NFIB: variants seen among roughly 807,000 people sequenced by gnomAD.
NFIB encodes the protein nuclear factor I B, also known as nuclear factor 1 B-type.
NFIB carries 11 observed loss-of-function variants against 61.5 expected under a neutral mutation model. The ratio of observed to expected loss-of-function variants is 0.18; its 90% CI spans 0.11 to 0.30. NFIB has a LOEUF of 0.30. Among genes scored for constraint, NFIB ranks in the 10% least tolerant of loss-of-function variants. The pLI is 1.00. For missense variants in NFIB, 471 were observed against 608.9 expected (o/e 0.77, Z 2.38); for synonymous variants, 260 against 216.5 (o/e 1.20, Z -1.76).
At chr9:14,468,221 G>A in the NFIB span, among the ~76,000 whole-genome samples, 1 of 152,212 alleles carries the variant, frequency 6.6e-6, no homozygotes, top group Admixed American at 6.5e-5. Flanking sequence ...TATTTAGCAA[G>A]ACTTTAAGAA....
chr9:14,132,383 C>T (rs1033769033), intron 6 of NFIB, among the ~76,000 whole-genome samples: 7 of 152,242 alleles, frequency 4.6e-5, no homozygotes, highest in African/African-American at 1.7e-4. Flanking sequence ...CATTTGCTGG[C>T]TACTTTTATT....
chr9:14,282,244 G>A (rs2058422443), intron 2 of NFIB, among the ~76,000 whole-genome samples: 1 of 152,116 alleles, frequency 6.6e-6, no homozygotes, highest in African/African-American at 2.4e-5. Context: ...GCTACAGACA[G>A]AAATGCTGCA....
chr9:14,447,009 A>C, the NFIB span, among the ~76,000 whole-genome samples: 2 of 152,154 alleles, frequency 1.3e-5, no homozygotes, highest in Non-Finnish European at 2.9e-5. Flanking sequence ...TTTATGCAGA[A>C]CCAACATGCT....
chr9:14,346,295 C>CCCCA (rs1554715700), intron 1 of NFIB, among the ~76,000 whole-genome samples: 1 of 141,360 alleles, frequency 7.1e-6, no homozygotes, highest in South Asian at 2.7e-4. Context: ...CCGACACCCC[C>CCCCA]CCCCCGTAAC....
intron 2 of NFIB, among the ~76,000 whole-genome samples, chr9:14,215,388 A>T (rs886840995): frequency 2.1e-5 from 3 of 142,482 alleles, no homozygotes; most frequent in Admixed American, 1.4e-4. Context: ...CTATGTTAAG[A>T]AGAAACGATT....
chr9:14,237,850 T>A (rs1417297724), intron 2 of NFIB, among the ~76,000 whole-genome samples: 1 of 124,284 alleles, frequency 8.0e-6, no homozygotes, highest in African/African-American at 3.3e-5. Context: ...ACAGTGTGTG[T>A]GTGTGTGTGT....
At chr9:14,449,912 G>T in the NFIB span, among the ~76,000 whole-genome samples, 1 of 151,986 alleles carries the variant, frequency 6.6e-6, no homozygotes, top group East Asian at 1.9e-4. Flanking sequence ...TCCAGCCTGG[G>T]CAGCAGAGCA....
At chr9:14,479,423 G>T in the NFIB span, among the ~76,000 whole-genome samples, 4 of 152,182 alleles carry the variant, frequency 2.6e-5, no homozygotes, top group African/African-American at 4.8e-5. Context: ...ACAGGCTTGG[G>T]TATGGTGGAG....
chr9:14,392,241 T>TA (rs1013493181), intron 1 of NFIB, among the ~76,000 whole-genome samples: 4 of 152,026 alleles, frequency 2.6e-5, no homozygotes, highest in African/African-American at 7.3e-5. Context: ...GGGTATTAGG[T>TA]AAAAAAATGA....
intron 2 of NFIB, among the ~76,000 whole-genome samples, chr9:14,229,116 T>A (rs1454476004): frequency 6.6e-6 from 1 of 151,978 alleles, no homozygotes; most frequent in Non-Finnish European, 1.5e-5. Flanking sequence ...ATCAACTACA[T>A]ACGATTTCAT....
At chr9:14,171,293 C>A (rs563492784) in intron 3 of NFIB, among the ~76,000 whole-genome samples, 12 of 152,172 alleles carry the variant, frequency 7.9e-5, no homozygotes, top group Non-Finnish European at 1.8e-4. Context: ...GCTCTTTCCT[C>A]GGCTAGGACT....
the NFIB span, among the ~76,000 whole-genome samples, chr9:14,441,665 TG>T: frequency 6.6e-6 from 1 of 151,970 alleles, no homozygotes; most frequent in East Asian, 1.9e-4. Context: ...AGCAGCTTCC[TG>T]GGGGGTCAAG....
At chr9:14,259,774 G>A (rs1435167140) in intron 2 of NFIB, among the ~76,000 whole-genome samples, 3 of 152,016 alleles carry the variant, frequency 2.0e-5, no homozygotes, top group Non-Finnish European at 2.9e-5. Context: ...GCGTGGTGGC[G>A]GGCACTTGTA....
In NFIB at chr9:14,313,807, G is replaced by A. The variant is rs2060406197; in HGVS notation, c.-296C>T. 1 of 1,324,176 alleles carries A rather than the reference G, an allele frequency of 7.6e-7. No individual in the cohort carries two copies. The highest frequency in any genetic ancestry group is 9.6e-7 in the Non-Finnish European group (1 of 1,036,494). 82.0% of individuals were successfully genotyped at this position (1,324,176 alleles called of 1,614,324 possible). A position where few individuals can be genotyped will look rare whatever the true frequency, so the allele number is the denominator to read the frequency against. ...GAGGCCGCCGCCGCCGCCGGTGTTGGCTGCTTTTCGCCTGGGTTTGGGGAT... is the reference window on the plus strand; with the variant it reads ...GAGGCCGCCGCCGCCGCCGGTGTTGACTGCTTTTCGCCTGGGTTTGGGGAT... On this transcript the variant is annotated 5_prime_UTR_variant, in exon 1 of 11. Coordinates refer to ENST00000380953, the MANE Select transcript of NFIB (RefSeq NM_001190737.2). This position sits in a 1 kb window ranked among gnomAD's most constrained non-coding sequence, Gnocchi z 4.5.
chr9:14,237,111 A>G (rs2053819546), intron 2 of NFIB, among the ~76,000 whole-genome samples: 1 of 152,184 alleles, frequency 6.6e-6, no homozygotes, highest in African/African-American at 2.4e-5. Flanking sequence ...AAACTGCAAA[A>G]TTATGAACTG....
intron 10 of NFIB, among the ~76,000 whole-genome samples, chr9:14,106,222 T>G (rs2036532448): frequency 6.6e-6 from 1 of 152,112 alleles, no homozygotes; most frequent in African/African-American, 2.4e-5. Context: ...GGGGAACAAT[T>G]CTTATTTTTG....
Position 14,088,212 on chromosome 9 carries a change from T to G in NFIB, c.*97A>C. ...TCTTTTTCCCTCAGTTGCTTGTTTC[T>G]GCTTGAAGGAAAGGTTCTCCAATTA... On this transcript the variant is annotated 3_prime_UTR_variant, in exon 11 of 11. Coordinates refer to ENST00000380953, the MANE Select transcript of NFIB (RefSeq NM_001190737.2). The G allele has an allele frequency of 1.3e-6, 2 of 1,544,326 alleles. No individual in the cohort carries two copies. The highest frequency in any genetic ancestry group is 1.8e-6 in the Non-Finnish European group (2 of 1,141,364).
chr9:14,178,344 A>T (rs1020900653), intron 3 of NFIB, among the ~76,000 whole-genome samples: 10 of 152,124 alleles, frequency 6.6e-5, no homozygotes, highest in Non-Finnish European at 1.5e-5. Flanking sequence ...TTTTGGAAAG[A>T]TAACTAAAAT....
chr9:14,091,640 T>A (rs2033923307), intron 10 of NFIB, among the ~76,000 whole-genome samples: 1 of 152,080 alleles, frequency 6.6e-6, no homozygotes, highest in Non-Finnish European at 1.5e-5. Context: ...TATATCTTTA[T>A]AAGTGTGCAT....
Sources: allele counts gnomAD v4.1 joint callset (sites outside exome capture counted in the v4.1 genomes callset), GRCh38; gene constraint gnomAD v4.1.1; non-coding constraint Gnocchi (gnomAD v3.1); transcripts MANE v1.5; gene names NCBI Gene and HGNC (gene_info 2026-07-23, HGNC 2026-07-21).